Variants in ZNF680 observed in about 807,000 individuals in gnomAD.
ZNF680 encodes the protein zinc finger protein 680.
ZNF680 carries 6 observed loss-of-function variants against 12.1 expected under a neutral mutation model. That is an observed-to-expected ratio of 0.49 (90% CI 0.27 to 0.98). ZNF680 has a LOEUF of 0.98. ZNF680 is among the 50% of genes least tolerant of loss of function. The pLI is 0.12. For synonymous variants in ZNF680, 170 were observed against 199.3 expected (o/e 0.85, Z 1.24); for missense variants, 561 against 616.3 (o/e 0.91, Z 0.95).
chr7:64,535,100 A>T (rs1240388809), intron 3 of ZNF680, among the ~76,000 whole-genome samples: 1 of 152,152 alleles, frequency 6.6e-6, no homozygotes, highest in Non-Finnish European at 1.5e-5. Flanking sequence ...CTAAAAAATT[A>T]CCACTAAAGA....
chr7:64,519,418 T>C (rs904879758), downstream of ZNF680, among the ~76,000 whole-genome samples: 5 of 151,780 alleles, frequency 3.3e-5, no homozygotes, highest in African/African-American at 1.2e-4. Context: ...TTATGAAAAA[T>C]AGTGTGGAGA....
the ZNF680 span, among the ~76,000 whole-genome samples, chr7:64,510,484 TC>T: frequency 6.6e-6 from 1 of 152,094 alleles, no homozygotes; most frequent in Non-Finnish European, 1.5e-5. Flanking sequence ...ACAGGCTGTT[TC>T]CAAAAATCTA....
chr7:64,538,229 A>C (rs1450633001), intron 3 of ZNF680, among the ~76,000 whole-genome samples: 1 of 131,852 alleles, frequency 7.6e-6, no homozygotes, highest in Admixed American at 7.7e-5. Flanking sequence ...TCTTAGATAC[A>C]ACATTAAATG....
chr7:64,539,362 AAAAAAAAAAAAAAG>A lies in ZNF680; in HGVS notation c.253+4331_253+4344del, dbSNP rs1213134503. 3.3e-4 allele frequency among the ~76,000 whole-genome samples: 48 copies of A among 143,430 alleles called. 1 individual carries two copies. The highest frequency in any genetic ancestry group is 3.9e-4 in the Non-Finnish European group (26 of 65,854). The allele number at this position is 143,430 out of a possible 152,430, so 94.1% of individuals were successfully genotyped here. A position where few individuals can be genotyped will look rare whatever the true frequency, so the allele number is the denominator to read the frequency against. On this transcript the variant is annotated intron_variant, in intron 3 of 3. Transcript: ENST00000309683. ...GCAAAACTTCGTCTCAAAAAAAAAA[AAAAAAAAAAAAAAG>A]AAAAGAAAATCTTGTCCCATTTTAT...
the ZNF680 span, among the ~76,000 whole-genome samples, chr7:64,500,632 T>C: frequency 1.5e-4 from 22 of 151,642 alleles, no homozygotes; most frequent in Non-Finnish European, 2.8e-4. Context: ...GGGCTGGGAG[T>C]GGAGGAGATG....
At chr7:64,551,744 A>G (rs989388024) in intron 1 of ZNF680, 1 of 154,088 alleles carries the variant, frequency 6.5e-6, no homozygotes, top group African/African-American at 2.4e-5. Context: ...CAGACACTCA[A>G]AGCATTGGAG....
At chr7:64,500,703 G>A in the ZNF680 span, 2 of 251,046 alleles carry the variant, frequency 8.0e-6, no homozygotes, top group East Asian at 2.5e-4. Flanking sequence ...TTGTGGCCAC[G>A]TTGCCGACCT....
At chr7:64,554,446 G>A (rs1243570120) in intron 1 of ZNF680, among the ~76,000 whole-genome samples, 1 of 151,862 alleles carries the variant, frequency 6.6e-6, no homozygotes, top group Non-Finnish European at 1.5e-5. Flanking sequence ...TGCCCCGTCT[G>A]GGAGGTGGGG....
Position 64,522,251 on chromosome 7 carries a change from T to A in ZNF680, c.503A>T (p.Asn168Ile), listed in dbSNP as rs972707936. The part of the protein sequence containing the change: ...KYVKVFHKFS[N>I]SNSHKKRNTG... ...ATTTCTTTTCTTATGACTGTTTGAATTTGAAAATTTATGAAAGACTTTCAC... is the reference window on the plus strand; with the variant it reads ...ATTTCTTTTCTTATGACTGTTTGAAATTGAAAATTTATGAAAGACTTTCAC... The change falls in exon 4 of 4, where the codon AAT becomes ATT. Residue 168 changes from asparagine (N) to isoleucine (I), a missense_variant. Physicochemically the swap from Asn to Ile is moderately radical, Grantham distance 149 (BLOSUM62 -3). Transcript: ENST00000309683. The A allele has an allele frequency of 1.9e-6, 3 of 1,612,906 alleles. No individual in the cohort carries two copies. The highest frequency in any genetic ancestry group is 2.7e-5 in the African/African-American group (2 of 75,030).
At chr7:64,537,441 A>G (rs1031843162) in intron 3 of ZNF680, among the ~76,000 whole-genome samples, 5 of 152,232 alleles carry the variant, frequency 3.3e-5, no homozygotes, top group Non-Finnish European at 7.3e-5. Context: ...AAAATTCAAT[A>G]TGATCTCTAT....
Position 64,543,744 on chromosome 7 carries a change from C to G in ZNF680, c.216G>C (p.Trp72Cys). ...CTACCATCTCCTGTCTCTTCCTATT[C>G]CAGGGCTCTTTTCCTTGCTCCAAAC... is the stretch of plus-strand genomic sequence containing the variant. ...ITCLEQGKEP[W>C]NRKRQEMVAK... Residue 72 changes from tryptophan to cysteine, a missense_variant, in exon 3 of 4, where the codon TGG becomes TGC. Trp to Cys is a radical substitution (Grantham distance 215, BLOSUM62 -2). Transcript: ENST00000309683. 6.2e-7 allele frequency: 1 copy of G among 1,613,712 alleles called. No individual in the cohort carries two copies. The highest frequency in any genetic ancestry group is 1.1e-5 in the South Asian group (1 of 91,060).
chr7:64,527,004 G>A (rs1295772848), intron 3 of ZNF680, among the ~76,000 whole-genome samples: 8 of 152,176 alleles, frequency 5.3e-5, no homozygotes, highest in Non-Finnish European at 7.4e-5. Context: ...TTGGGAGGCC[G>A]AGGTGGGCCG....
chr7:64,533,687 G>GA (rs138749588), intron 3 of ZNF680, among the ~76,000 whole-genome samples: 34,318 of 151,842 alleles, frequency 0.23, 4,074 homozygotes, highest in South Asian at 0.28. Context: ...TATACAGAAC[G>GA]AAAAAAGAGC....
chr7:64,543,832 C>G (rs1786636497), intron 2 of ZNF680, 30 bp from the exon 3 acceptor site: 2 of 1,587,452 alleles, frequency 1.3e-6, no homozygotes, highest in Middle Eastern at 1.7e-4. Context: ...TAACATGAAT[C>G]TTGCTCATAT....
chr7:64,540,292 G>A (rs756482932), intron 3 of ZNF680, among the ~76,000 whole-genome samples: 3 of 143,652 alleles, frequency 2.1e-5, no homozygotes, highest in Non-Finnish European at 4.6e-5. Context: ...TAGACATATG[G>A]CTGATTTATC....
chr7:64,556,752 G>C (rs1787435655), intron 1 of ZNF680, among the ~76,000 whole-genome samples: 1 of 152,164 alleles, frequency 6.6e-6, no homozygotes, highest in South Asian at 2.1e-4. Context: ...AACTGGCAAA[G>C]ATTTTATGAT....
the ZNF680 span, among the ~76,000 whole-genome samples, chr7:64,502,655 C>G: frequency 6.6e-6 from 1 of 152,098 alleles, no homozygotes; most frequent in South Asian, 2.1e-4. Context: ...CTATTTTTCT[C>G]AAAATAAACA....
Position 64,521,532 on chromosome 7 carries a change from A to C in ZNF680, c.1222T>G (p.Cys408Gly). The C allele has an allele frequency of 6.2e-7, 1 of 1,613,336 alleles. No individual in the cohort carries two copies. Among genetic ancestry groups the C allele is most frequent in the East Asian group, 2.2e-5 (1 of 44,850 alleles). Residue 408 changes from cysteine (C) to glycine (G), a missense_variant, in exon 4 of 4, where the codon TGT becomes GGT. Transcript: ENST00000309683. ...TTAAAAGCTTTGCCACATTCTTCAC[A>C]TTTGTAGGGTTTCTCTCCAGTATGA... The part of the protein sequence containing the change: ...RIHTGEKPYK[C>G]EECGKAFNGC...
intron 1 of ZNF680, among the ~76,000 whole-genome samples, chr7:64,554,608 A>G (rs12112962): frequency 0.75 from 113,638 of 152,120 alleles, 43,025 homozygotes; most frequent in African/African-American, 0.88. Context: ...TGTGGAAAGA[A>G]GTGGACATGG....
Sources: allele counts gnomAD v4.1 joint callset (sites outside exome capture counted in the v4.1 genomes callset), GRCh38; gene constraint gnomAD v4.1.1; transcripts MANE v1.5; gene names NCBI Gene and HGNC (gene_info 2026-07-23, HGNC 2026-07-21).